WDFY3: variants seen among roughly 807,000 people sequenced by gnomAD.
WDFY3 encodes WD repeat and FYVE domain containing 3, also known as WD repeat and FYVE domain-containing protein 3.
In WDFY3, 66 loss-of-function variants were observed where a neutral mutation model predicts 409.6. That is an observed-to-expected ratio of 0.16 (90% CI 0.13 to 0.20). WDFY3 has a LOEUF of 0.20. Among genes scored for constraint, WDFY3 ranks in the 10% least tolerant of loss-of-function variants. The pLI is 1.00. For synonymous variants in WDFY3, 1,521 were observed against 1,537.1 expected (o/e 0.99, Z 0.25); for missense variants, 3,031 against 4,298.1 (o/e 0.71, Z 8.24).
Position 84,682,366 on chromosome 4 carries a change from T to G in WDFY3, c.9823+8A>C. On this transcript the variant is annotated splice_region_variant and intron_variant, in intron 64 of 67. Coordinates refer to ENST00000295888, the MANE Select transcript of WDFY3 (RefSeq NM_014991.6). ...CGATTTGAGTCATTTTTAGAAAGTA[T>G]TAAATACCTATTTGTGCTTCTGGAC... 6.2e-7 allele frequency: 1 copy of G among 1,610,708 alleles called. No individual in the cohort carries two copies. Among genetic ancestry groups the G allele is most frequent in the Non-Finnish European group, 8.5e-7 (1 of 1,177,732 alleles).
chr4:84,893,371 T>C (rs1432010154), intron 3 of WDFY3, among the ~76,000 whole-genome samples: 2 of 152,236 alleles, frequency 1.3e-5, no homozygotes, highest in East Asian at 1.9e-4. Context: ...AGGTTCACAA[T>C]GTTTGGCAGC....
chr4:84,696,961 G>A (rs1202785241), intron 56 of WDFY3, 138 bp from the exon 57 acceptor site: 9 of 666,816 alleles, frequency 1.3e-5, no homozygotes, highest in Non-Finnish European at 2.0e-5. Flanking sequence ...GGACTTCAGA[G>A]ATTATCAACT....
chr4:84,707,202 TTACAGGTGTGAGCCACAGCACCTGGTCA>T (rs948430753), intron 53 of WDFY3, among the ~76,000 whole-genome samples: 5 of 152,030 alleles, frequency 3.3e-5, no homozygotes, highest in Non-Finnish European at 5.9e-5. Flanking sequence ...AGTTCTGGGG[TTACAGGTGTGAGCCACAGCACCTGGTCA>T]CTGAATGATT....
At position 84,772,051 on chromosome 4, in the gene WDFY3, T is replaced by A. The variant is rs779758653; in HGVS notation, c.4849+784A>T. 2.6e-5 allele frequency among the ~76,000 whole-genome samples: 4 copies of A among 152,190 alleles called. No homozygotes were observed. In the South Asian group the frequency reaches 8.3e-4, roughly 32 times the overall value. On this transcript the variant is annotated intron_variant, in intron 30 of 67. Transcript: ENST00000295888. ...GGAGAACCCCTTTGGGAGGAAGTGA[T>A]ACTACAACAGTTCTTCTCCACCCTC...
intron 48 of WDFY3, 146 bp from the exon 49 acceptor site, chr4:84,717,162 G>C: frequency 1.0e-6 from 1 of 961,066 alleles, no homozygotes; most frequent in Non-Finnish European, 1.4e-6. Context: ...ATATTTACAA[G>C]AAGAATTTGT....
chr4:84,942,149 C>A (rs565784343), intron 1 of WDFY3, among the ~76,000 whole-genome samples: 1 of 151,824 alleles, frequency 6.6e-6, no homozygotes, highest in Non-Finnish European at 1.5e-5. Context: ...GCAAAAAATT[C>A]TCTAACAGGA....
At chr4:84,842,926 C>T (rs192670220) in intron 5 of WDFY3, among the ~76,000 whole-genome samples, 3 of 152,306 alleles carry the variant, frequency 2.0e-5, no homozygotes, top group Admixed American at 6.5e-5. Flanking sequence ...TAACTGAATA[C>T]AAGACTTACA....
rs1405970912 is a variant in WDFY3 at position 84,682,292 on chromosome 4, T to C, written c.9823+82A>G. 2.0e-5 allele frequency: 27 copies of C among 1,327,524 alleles called. No homozygotes were observed. The East Asian group carries it at 6.0e-4, about 30-fold the overall frequency. The allele number at this position is 1,327,524 out of a possible 1,614,324, so 82.2% of individuals were successfully genotyped here. On this transcript the variant is annotated intron_variant, in intron 64 of 67. Coordinates refer to ENST00000295888, the MANE Select transcript of WDFY3 (RefSeq NM_014991.6). ...GTGCCCAACCTTGGGCTCCTCTTTA[T>C]GTTGTTTGGTATAAGCTTATCCACA...
chr4:84,863,559 T>C (rs1041330428), intron 3 of WDFY3, among the ~76,000 whole-genome samples: 13 of 152,230 alleles, frequency 8.5e-5, no homozygotes, highest in African/African-American at 2.2e-4. Flanking sequence ...TCTCACTTTT[T>C]AATCAGGTTA....
At chr4:84,881,685 G>A (rs1032051374) in intron 3 of WDFY3, among the ~76,000 whole-genome samples, 10 of 151,696 alleles carry the variant, frequency 6.6e-5, no homozygotes, top group African/African-American at 1.7e-4. Flanking sequence ...TCAGGAGTTC[G>A]AGACCAGCCC....
At chr4:84,737,643 T>A (rs1405212236) in intron 40 of WDFY3, among the ~76,000 whole-genome samples, 2 of 152,218 alleles carry the variant, frequency 1.3e-5, no homozygotes, top group Non-Finnish European at 2.9e-5. Context: ...TGTAATTAAC[T>A]AACTTTTTCT....
chr4:84,946,597 G>A (rs564696550), intron 1 of WDFY3, among the ~76,000 whole-genome samples: 11 of 152,236 alleles, frequency 7.2e-5, no homozygotes, highest in African/African-American at 2.6e-4. Context: ...AAAGCAAAGG[G>A]AAAGAGACAG....
At chr4:84,675,082 C>T (rs557577915) in intron 67 of WDFY3, among the ~76,000 whole-genome samples, 1 of 151,698 alleles carries the variant, frequency 6.6e-6, no homozygotes, top group Middle Eastern at 3.4e-3. Context: ...GTGATTCTCT[C>T]GCCTCAACCT....
intron 43 of WDFY3, among the ~76,000 whole-genome samples, chr4:84,733,982 C>G (rs1737024483): frequency 6.6e-6 from 1 of 152,144 alleles, no homozygotes; most frequent in South Asian, 2.1e-4. Flanking sequence ...ATACACCAAA[C>G]TGTAAAATAG....
At chr4:84,785,938 T>A in intron 24 of WDFY3, 41 bp downstream of exon 24, 1 of 1,605,562 alleles carries the variant, frequency 6.2e-7, no homozygotes, top group Non-Finnish European at 8.5e-7. Context: ...ATGTTCCCAG[T>A]GAGAATCAGC....
chr4:84,910,656 G>A (rs1383398072), intron 2 of WDFY3, among the ~76,000 whole-genome samples: 1 of 152,126 alleles, frequency 6.6e-6, no homozygotes, highest in African/African-American at 2.4e-5. Context: ...AAATTTAAGA[G>A]CTGAAACTAT....
chr4:84,769,539 C>G (rs1287185222), intron 30 of WDFY3, among the ~76,000 whole-genome samples: 1 of 151,842 alleles, frequency 6.6e-6, no homozygotes. Context: ...CTCAGCCTCC[C>G]GAGTAGCTGG....
chr4:84,762,462 C>G lies in WDFY3; in HGVS notation c.5188+3348G>C, dbSNP rs1211374122. ...GGAACATCACACTCTGGGGACTGTT[C>G]TGGGGTGGGGGGAGGGGGGAGGGAT... On this transcript the variant is annotated intron_variant, in intron 32 of 67. Coordinates refer to ENST00000295888, the MANE Select transcript of WDFY3 (RefSeq NM_014991.6). Among the ~76,000 whole-genome samples, 23 of 102,214 alleles carry G rather than the reference C, an allele frequency of 2.3e-4. No individual in the cohort carries two copies. The East Asian group carries it at 3.1e-3, about 14-fold the overall frequency. 67.1% of individuals were successfully genotyped at this position (102,214 alleles called of 152,430 possible).
At chr4:84,685,969 T>G (rs1488087690) in intron 62 of WDFY3, among the ~76,000 whole-genome samples, 1 of 152,212 alleles carries the variant, frequency 6.6e-6, no homozygotes, top group African/African-American at 2.4e-5. Flanking sequence ...AGCACCCACA[T>G]TTTTGTAAAG....
Sources: gnomAD v4.1 joint callset for allele counts (sites outside exome capture counted in the v4.1 genomes callset) on GRCh38, gnomAD v4.1.1 for gene constraint, MANE v1.5 for transcripts, NCBI Gene and HGNC (gene_info 2026-07-23, HGNC 2026-07-21) for gene names.